The following RABEPK variants were observed in gnomAD, a reference collection of about 807,000 sequenced individuals.
RABEPK encodes Rab9 effector protein with kelch motifs.
RABEPK carries 27 observed loss-of-function variants against 34.1 expected under a neutral mutation model. The observed-to-expected ratio is 0.79, with a 90% CI of 0.58 to 1.09. RABEPK has a LOEUF of 1.09. Ranked by LOEUF, RABEPK falls within the 50% of genes least tolerant of loss-of-function variation. RABEPK has a pLI of 0.00. For synonymous variants in RABEPK, 172 were observed against 169.2 expected, an observed-to-expected ratio of 1.02 and a Z score of -0.13; for missense variants, 449 against 462.6, an observed-to-expected ratio of 0.97 and a Z score of 0.27.
At chr9:125,205,585 C>T (rs567626941) in intron 2 of RABEPK, among the ~76,000 whole-genome samples, 4 of 152,260 alleles carry the variant, frequency 2.6e-5, no homozygotes, top group South Asian at 2.1e-4. Context: ...TTCCGCCTCC[C>T]GGGTTCAAGC....
chr9:125,218,209 G>C (rs186951225), intron 4 of RABEPK, among the ~76,000 whole-genome samples: 1 of 151,026 alleles, frequency 6.6e-6, no homozygotes, highest in Non-Finnish European at 1.5e-5. Flanking sequence ...AGTCCCAGCT[G>C]CTCGGGAGGC....
intron 6 of RABEPK, among the ~76,000 whole-genome samples, chr9:125,229,367 A>T (rs981196098): frequency 6.6e-6 from 1 of 152,010 alleles, no homozygotes. Flanking sequence ...TGGGAGGTGG[A>T]GGTTGCCGTG....
intron 4 of RABEPK, among the ~76,000 whole-genome samples, chr9:125,216,677 A>G (rs1421074121): frequency 6.6e-6 from 1 of 152,098 alleles, no homozygotes; most frequent in Non-Finnish European, 1.5e-5. Flanking sequence ...AATAAAGTAG[A>G]CACGGCCGGG....
At chr9:125,221,687 T>C (rs1831347531) in intron 5 of RABEPK, 1 of 150,836 alleles carries the variant, frequency 6.6e-6, no homozygotes. Flanking sequence ...TTTCTTTTTT[T>C]TTTTTTGAGA....
rs905193865 is a variant in RABEPK, at chr9:125,222,767, G to A, written c.526+2067G>A. Among the ~76,000 whole-genome samples the A allele has an allele frequency of 1.5e-4, 22 of 146,886 alleles. 1 individual carries two copies. The highest frequency in any genetic ancestry group is 6.0e-5 in the Non-Finnish European group (4 of 67,154). ...AGAGATAATTCTATATGTTACATTT[G>A]CATCCTATATTTTTCACTTAAGCAT... On this transcript the variant is annotated intron_variant, in intron 5 of 7. Coordinates refer to ENST00000373538, the MANE Select transcript of RABEPK (RefSeq NM_005833.4).
rs185290237 is a variant in RABEPK, at chr9:125,226,851, G to A, written c.527-1059G>A. 1.3e-3 allele frequency among the ~76,000 whole-genome samples: 176 copies of A among 135,518 alleles called. 1 individual carries two copies. The highest frequency in any genetic ancestry group is 4.7e-3 in the African/African-American group (167 of 35,868). The allele number at this position is 135,518 out of a possible 152,430, so 88.9% of individuals were successfully genotyped here. On this transcript the variant is annotated intron_variant, in intron 5 of 7. Coordinates refer to ENST00000373538, the MANE Select transcript of RABEPK (RefSeq NM_005833.4). ...TGCACTCCAGCCTGGGCGACAGAGC[G>A]AGACTCTGTCTGCAAAAAATAATAA... is the stretch of plus-strand genomic sequence containing the variant.
At chr9:125,233,160 A>T (rs1832329782) in intron 7 of RABEPK, among the ~76,000 whole-genome samples, 1 of 151,962 alleles carries the variant, frequency 6.6e-6, no homozygotes, top group Non-Finnish European at 1.5e-5. Context: ...AAAAGAATGA[A>T]AACTCTGTAG....
intron 3 of RABEPK, among the ~76,000 whole-genome samples, chr9:125,212,523 T>G (rs2131384136): frequency 6.6e-6 from 1 of 151,570 alleles, no homozygotes; most frequent in Non-Finnish European, 1.5e-5. Flanking sequence ...CTGACCAAGG[T>G]TAGGTATTAC....
At chr9:125,231,174 G>A (rs990518033) in intron 6 of RABEPK, among the ~76,000 whole-genome samples, 29 of 151,930 alleles carry the variant, frequency 1.9e-4, no homozygotes, top group Non-Finnish European at 4.4e-5. Flanking sequence ...GTGGCGGCAC[G>A]TGCCAGCTAC....
At chr9:125,229,257 AAAAAAAAG>A (rs913062001) in intron 6 of RABEPK, among the ~76,000 whole-genome samples, 17 of 151,130 alleles carry the variant, frequency 1.1e-4, no homozygotes, top group African/African-American at 3.1e-4. Flanking sequence ...CCGTCTCCAA[AAAAAAAAG>A]AAAAAAAGAA....
intron 4 of RABEPK, chr9:125,220,246 C>T: frequency 7.9e-7 from 1 of 1,258,636 alleles, no homozygotes; most frequent in Non-Finnish European, 1.0e-6. Flanking sequence ...AAGTGATCCG[C>T]CCGCCTTGGC....
At chr9:125,221,638 T>C (rs1588385254) in intron 5 of RABEPK, 1 of 151,262 alleles carries the variant, frequency 6.6e-6, no homozygotes, top group African/African-American at 2.4e-5. Flanking sequence ...GCCTTTCCTT[T>C]CCCCGCCTCA....
At chr9:125,233,574 C>T (rs1832370872) in intron 7 of RABEPK, 114 bp from the exon 8 acceptor site, 3 of 1,085,550 alleles carry the variant, frequency 2.8e-6, no homozygotes, top group South Asian at 3.0e-5. Context: ...CATCTCCTGA[C>T]CTCGTGATCC....
Position 125,213,460 on chromosome 9 carries a change from T to G in RABEPK, c.302T>G (p.Ile101Ser). 6.2e-7 allele frequency: 1 copy of G among 1,614,140 alleles called. No homozygotes were observed. ...SFIPSCTPDR[I>S]WVFGGANQSG... ...ATTCCCTCCTGCACACCTGACCGTATCTGGGTATTTGGAGGTGCCAACCAA... is the reference window on the plus strand; with the variant it reads ...ATTCCCTCCTGCACACCTGACCGTAGCTGGGTATTTGGAGGTGCCAACCAA... Residue 101 changes from isoleucine to serine, a missense_variant, in exon 4 of 8, where the codon ATC becomes AGC. Ile to Ser is a moderately radical substitution (Grantham distance 142). Transcript: ENST00000373538.
chr9:125,220,868 T>A, intron 5 of RABEPK, 168 bp downstream of exon 5: 1 of 926,894 alleles, frequency 1.1e-6, no homozygotes, highest in South Asian at 2.3e-5. Flanking sequence ...AAATTGGCAT[T>A]TAAAAAGGGA....
At chr9:125,207,799 T>G (rs2131373642) in intron 3 of RABEPK, 78 bp downstream of exon 3, 6 of 1,527,632 alleles carry the variant, frequency 3.9e-6, no homozygotes, top group Non-Finnish European at 5.4e-6. Context: ...AGCAGGGCAT[T>G]CCTAAAAACA....
At chr9:125,208,661 G>C (rs191841381) in intron 3 of RABEPK, among the ~76,000 whole-genome samples, 2 of 150,466 alleles carry the variant, frequency 1.3e-5, no homozygotes, top group East Asian at 4.0e-4. Context: ...TCAGCCTCCT[G>C]AGAAGCTGGG....
intron 4 of RABEPK, among the ~76,000 whole-genome samples, chr9:125,215,336 G>GTTTTTTTTTTTT: frequency 6.7e-6 from 1 of 150,054 alleles, no homozygotes; most frequent in African/African-American, 2.5e-5. Context: ...TCGAGGCAGG[G>GTTTTTTTTTTTT]TCTCACTCTG....
chr9:125,222,737 A>AG (rs1217328982), intron 5 of RABEPK, among the ~76,000 whole-genome samples: 1 of 150,314 alleles, frequency 6.7e-6, no homozygotes, highest in African/African-American at 2.4e-5. Flanking sequence ...AAAAAAAAAA[A>AG]GGACAGAGAT....
Sources: allele counts gnomAD v4.1 joint callset (sites outside exome capture counted in the v4.1 genomes callset), GRCh38; gene constraint gnomAD v4.1.1; transcripts MANE v1.5; gene names NCBI Gene and HGNC (gene_info 2026-07-23, HGNC 2026-07-21).